ARL5B: variants seen among roughly 807,000 people sequenced by gnomAD.
The protein encoded by ARL5B is ADP-ribosylation factor-like protein 5B.
In ARL5B, 10 loss-of-function variants were observed where a neutral mutation model predicts 26.9. That is an observed-to-expected ratio of 0.37 (90% CI 0.23 to 0.63). The LOEUF (loss-of-function observed/expected upper bound fraction) is 0.63. ARL5B is among the 30% of genes least tolerant of loss of function. The pLI, the probability that ARL5B is intolerant of heterozygous loss-of-function variation, is 0.62. For missense variants in ARL5B, 167 were observed against 213.9 expected (o/e 0.78, Z 1.37); for synonymous variants, 87 against 70.4 (o/e 1.24, Z -1.18).
In ARL5B at chr10:18,677,821, C is replaced by G. The variant is rs2059916708; in HGVS notation, c.*2605C>G. 6.6e-6 allele frequency: 1 copy of G among 152,188 alleles called. No individual in the cohort carries two copies. The highest frequency in any genetic ancestry group is 1.5e-5 in the Non-Finnish European group (1 of 67,738). 9.4% of individuals were successfully genotyped at this position (152,188 alleles called of 1,614,324 possible). The stretch of plus-strand genomic sequence containing the variant: ...GAAATAATTTGTGTTTTATATCCCC[C>G]TTCACCTCCATGTATTGGTTAGCAC... On this transcript the variant is annotated 3_prime_UTR_variant, in exon 6 of 6. Transcript: ENST00000377275.
intron 1 of ARL5B, among the ~76,000 whole-genome samples, chr10:18,661,261 C>T (rs1316186449): frequency 6.6e-6 from 1 of 152,216 alleles, no homozygotes; most frequent in East Asian, 1.9e-4. Flanking sequence ...AGTTGGTTTT[C>T]CCTTTATATC....
rs543405424 is a variant in ARL5B at position 18,671,411 on chromosome 10, T to C, written c.256-1211T>C. ...GGTCTTGAACTGTCCTCAAGTGATA[T>C]GCCCACCTCGGCCTACCAAAGTGCT... On this transcript the variant is annotated intron_variant, in intron 3 of 5. Coordinates refer to ENST00000377275, the MANE Select transcript of ARL5B (RefSeq NM_178815.5). Among the ~76,000 whole-genome samples, 157 of 152,166 alleles carry C rather than the reference T, an allele frequency of 1.0e-3. 1 individual carries two copies. The highest frequency in any genetic ancestry group is 1.0e-3 in the Non-Finnish European group (70 of 68,000).
chr10:18,659,832 G>A (rs1326855691), intron 1 of ARL5B, 149 bp downstream of exon 1: 1 of 1,488,678 alleles, frequency 6.7e-7, no homozygotes. Flanking sequence ...CAGTGTTTTA[G>A]ACCTGGAGGA....
intron 5 of ARL5B, 65 bp from the exon 6 acceptor site, chr10:18,675,103 A>G (rs2131647829): frequency 6.8e-7 from 1 of 1,478,128 alleles, no homozygotes; most frequent in Non-Finnish European, 9.4e-7. Flanking sequence ...CCTAAAAATA[A>G]TAAGTACGCT....
rs1057053361 is a variant in ARL5B at position 18,675,414 on chromosome 10, G to A, written c.*198G>A. 1.8e-6 allele frequency: 1 copy of A among 548,066 alleles called. No homozygotes were observed. The highest frequency in any genetic ancestry group is 1.9e-5 in the African/African-American group (1 of 52,822). 34.0% of individuals were successfully genotyped at this position (548,066 alleles called of 1,614,324 possible). On this transcript the variant is annotated 3_prime_UTR_variant, in exon 6 of 6. Transcript: ENST00000377275. ...TTTTTTTTTAACACACTAATCTTCA[G>A]TTGGATGAATGTAATGTATAACTAT...
intron 2 of ARL5B, among the ~76,000 whole-genome samples, chr10:18,667,564 C>T (rs955846537): frequency 6.6e-6 from 1 of 151,954 alleles, no homozygotes; most frequent in African/African-American, 2.4e-5. Context: ...ACATAAAACC[C>T]AAGAGAATTG....
At chr10:18,659,760 G>C (rs927596752) in intron 1 of ARL5B, 77 bp downstream of exon 1, 1 of 1,579,446 alleles carries the variant, frequency 6.3e-7, no homozygotes, top group Non-Finnish European at 8.6e-7. Flanking sequence ...CCGGAGACAG[G>C]GGACAGAGCG....
chr10:18,662,561 G>A lies in ARL5B; in HGVS notation c.46+2878G>A, dbSNP rs28479472. 1.3e-3 allele frequency among the ~76,000 whole-genome samples: 200 copies of A among 152,282 alleles called. 3 individuals carry two copies. Among genetic ancestry groups the A allele is most frequent in the Admixed American group, 0.012 (187 of 15,292 alleles). On this transcript the variant is annotated intron_variant, in intron 1 of 5. Coordinates refer to ENST00000377275, the MANE Select transcript of ARL5B (RefSeq NM_178815.5). ...TAATGTAGTTCTGTGAAATACATATGTGTTATGTGTGTTTGATAGCTCACC... is the reference window on the plus strand; with the variant it reads ...TAATGTAGTTCTGTGAAATACATATATGTTATGTGTGTTTGATAGCTCACC...
chr10:18,672,417 A>T (rs1363138098), intron 3 of ARL5B, among the ~76,000 whole-genome samples: 1 of 152,194 alleles, frequency 6.6e-6, no homozygotes, highest in African/African-American at 2.4e-5. Context: ...TGAAGCTATG[A>T]GTTATTTTCT....
chr10:18,672,366 A>T (rs1049849585), intron 3 of ARL5B, among the ~76,000 whole-genome samples: 2 of 152,240 alleles, frequency 1.3e-5, no homozygotes, highest in South Asian at 4.1e-4. Flanking sequence ...GTATTCGGGC[A>T]TCACTTAAAA....
chr10:18,663,546 C>CTTT (rs10645351), intron 1 of ARL5B, among the ~76,000 whole-genome samples: 2,647 of 97,888 alleles, frequency 0.027, 267 homozygotes, highest in South Asian at 0.036. Context: ...TTATTCTGCT[C>CTTT]TTTTTTTTTT....
intron 1 of ARL5B, 35 bp downstream of exon 1, chr10:18,659,718 C>A: frequency 6.2e-7 from 1 of 1,602,970 alleles, no homozygotes; most frequent in Non-Finnish European, 8.5e-7. Context: ...GGCTCGAATC[C>A]GAGGCAGAGG....
intron 1 of ARL5B, among the ~76,000 whole-genome samples, chr10:18,662,738 C>CT (rs2059842519): frequency 6.6e-6 from 1 of 150,986 alleles, no homozygotes; most frequent in East Asian, 1.9e-4. Flanking sequence ...GAGTCTCACT[C>CT]TGTCACCCAG....
rs371227656 is a variant in ARL5B at position 18,675,910 on chromosome 10, C to G, written c.*694C>G. On this transcript the variant is annotated 3_prime_UTR_variant, in exon 6 of 6. Transcript: ENST00000377275. ...CTGCAACATTTGTTCAAAAACTAAC[C>G]AAGGTAAAATATTTATTTGAAAGCC... 3.3e-4 allele frequency: 50 copies of G among 152,068 alleles called. No individual in the cohort carries two copies. The highest frequency in any genetic ancestry group is 1.2e-3 in the African/African-American group (49 of 41,536). 9.4% of individuals were successfully genotyped at this position (152,068 alleles called of 1,614,324 possible).
At position 18,673,974 on chromosome 10, in the gene ARL5B, T is replaced by G. The variant is rs773767806; in HGVS notation, c.340-10T>G. Reference sequence around the variant, plus strand: ...TTTCACATATTAGAAATATTTTGTCTTGATTGCAGGATTTACGGAAGGCTG... The same window carrying G: ...TTTCACATATTAGAAATATTTTGTCGTGATTGCAGGATTTACGGAAGGCTG... On this transcript the variant is annotated splice_polypyrimidine_tract_variant and intron_variant, in intron 4 of 5. Transcript: ENST00000377275. 8.2e-6 allele frequency: 13 copies of G among 1,590,438 alleles called. No homozygotes were observed.
chr10:18,668,888 G>A (rs1414125701), intron 3 of ARL5B, among the ~76,000 whole-genome samples: 1 of 151,022 alleles, frequency 6.6e-6, no homozygotes, highest in Non-Finnish European at 1.5e-5. Context: ...TCCTGCCTCA[G>A]CCTCCCAAAT....
At chr10:18,673,834 A>T in intron 4 of ARL5B, 150 bp from the exon 5 acceptor site, 2 of 563,296 alleles carry the variant, frequency 3.6e-6, no homozygotes, top group East Asian at 3.5e-5. Context: ...GTTGGAATGA[A>T]TAATGAAATT....
intron 1 of ARL5B, among the ~76,000 whole-genome samples, chr10:18,660,258 C>T (rs566081446): frequency 3.2e-4 from 49 of 151,958 alleles, no homozygotes; most frequent in Non-Finnish European, 4.3e-4. Flanking sequence ...AAACTAAATG[C>T]TTTTCGGTTT....
intron 3 of ARL5B, among the ~76,000 whole-genome samples, chr10:18,671,755 C>T (rs2059888605): frequency 6.6e-6 from 1 of 150,710 alleles, no homozygotes; most frequent in South Asian, 2.1e-4. Context: ...GCCTCAACTT[C>T]CTAGGCTCAA....
Sources: gnomAD v4.1 joint callset for allele counts (sites outside exome capture counted in the v4.1 genomes callset) on GRCh38, gnomAD v4.1.1 for gene constraint, MANE v1.5 for transcripts, NCBI Gene and HGNC (gene_info 2026-07-23, HGNC 2026-07-21) for gene names.